The following DAB1 variants were observed in gnomAD, a reference collection of about 807,000 sequenced individuals.
DAB1 encodes disabled homolog 1.
Under a neutral mutation model 64.6 loss-of-function variants are expected in DAB1, and 15 were observed. That is an observed-to-expected ratio of 0.23 (90% CI 0.16 to 0.36). The LOEUF (loss-of-function observed/expected upper bound fraction) is 0.36. Ranked by LOEUF, DAB1 falls within the 10% of genes least tolerant of loss-of-function variation. The probability of loss-of-function intolerance (pLI) is 1.00; values close to 1 mark genes in which losing one functional copy is unlikely to be tolerated. For missense variants in DAB1, 596 were observed against 706.7 expected (o/e 0.84, Z 1.78); for synonymous variants, 235 against 251.9 (o/e 0.93, Z 0.64).
chr1:57,940,039 C>T (rs1333390539), intron 5 of DAB1, among the ~76,000 whole-genome samples: 2 of 152,184 alleles, frequency 1.3e-5, no homozygotes, highest in African/African-American at 4.8e-5. Flanking sequence ...GCCAAACCTA[C>T]AGCAGTAATG....
At chr1:57,422,641 C>A (rs540298287) in intron 1 of DAB1, among the ~76,000 whole-genome samples, 201 of 152,266 alleles carry the variant, frequency 1.3e-3, no homozygotes, top group African/African-American at 4.7e-3. Context: ...CCCACCCCCA[C>A]GCCATTCCTT....
intron 7 of DAB1, among the ~76,000 whole-genome samples, chr1:57,648,346 T>A (rs1208056890): frequency 6.6e-6 from 1 of 152,120 alleles, no homozygotes; most frequent in Non-Finnish European, 1.5e-5. Context: ...TGAACTCTAT[T>A]CATTAGAGGA....
chr1:57,349,638 T>G (rs995659730), intron 1 of DAB1, among the ~76,000 whole-genome samples: 2 of 152,166 alleles, frequency 1.3e-5, no homozygotes, highest in Non-Finnish European at 2.9e-5. Context: ...GGACTGATGA[T>G]TAACATACAG....
chr1:57,276,023 A>G (rs1258729323), intron 2 of DAB1, among the ~76,000 whole-genome samples: 2 of 152,216 alleles, frequency 1.3e-5, no homozygotes, highest in East Asian at 1.9e-4. Context: ...AAATTAGATC[A>G]CTTAGCAAAA....
At chr1:57,208,539 C>T (rs140885424) in intron 2 of DAB1, among the ~76,000 whole-genome samples, 34 of 152,294 alleles carry the variant, frequency 2.2e-4, no homozygotes, top group African/African-American at 6.5e-4. Context: ...TCTCCTTAGG[C>T]GTATATGTAG....
intron 1 of DAB1, among the ~76,000 whole-genome samples, chr1:57,872,613 A>G (rs1022544397): frequency 6.6e-6 from 1 of 152,164 alleles, no homozygotes; most frequent in Non-Finnish European, 1.5e-5. Context: ...CTCATCTTCA[A>G]GGGGTCCGCA....
chr1:58,355,232 C>T (rs918504511), intron 3 of DAB1, among the ~76,000 whole-genome samples: 2 of 152,152 alleles, frequency 1.3e-5, no homozygotes, highest in African/African-American at 4.8e-5. Context: ...CTACCATGAG[C>T]CTTTTTCCAA....
chr1:57,525,465 A>G (rs529889881), intron 7 of DAB1, among the ~76,000 whole-genome samples: 1 of 152,344 alleles, frequency 6.6e-6, no homozygotes, highest in East Asian at 1.9e-4. Context: ...GCAAATATTA[A>G]TTCTAGGAAA....
chr1:58,001,702 A>G (rs1463103432), intron 5 of DAB1, among the ~76,000 whole-genome samples: 1 of 152,162 alleles, frequency 6.6e-6, no homozygotes, highest in Non-Finnish European at 1.5e-5. Flanking sequence ...GTCTGGGAGT[A>G]CTATGGATCC....
chr1:58,061,991 C>A (rs921486136), intron 5 of DAB1, among the ~76,000 whole-genome samples: 1 of 152,178 alleles, frequency 6.6e-6, no homozygotes, highest in Non-Finnish European at 1.5e-5. Flanking sequence ...TTTAACCTAA[C>A]CTCCATTTCA....
chr1:57,712,123 G>A (rs1291997998), intron 6 of DAB1, among the ~76,000 whole-genome samples: 1 of 151,970 alleles, frequency 6.6e-6, no homozygotes, highest in Non-Finnish European at 1.5e-5. Flanking sequence ...AGTACTATAT[G>A]TGTTGAATTT....
chr1:57,596,913 C>T (rs911103569), intron 7 of DAB1, among the ~76,000 whole-genome samples: 1 of 152,186 alleles, frequency 6.6e-6, no homozygotes, highest in Admixed American at 6.5e-5. Flanking sequence ...CCATTAATTA[C>T]TAATTACCAA....
intron 1 of DAB1, among the ~76,000 whole-genome samples, chr1:57,351,647 G>A (rs1489709580): frequency 6.6e-6 from 1 of 152,122 alleles, no homozygotes; most frequent in Non-Finnish European, 1.5e-5. Context: ...GTGTGTGTGT[G>A]TGAACATTAC....
chr1:58,002,296 G>A (rs764691417), intron 5 of DAB1, among the ~76,000 whole-genome samples: 2 of 152,044 alleles, frequency 1.3e-5, no homozygotes, highest in Non-Finnish European at 2.9e-5. Flanking sequence ...GAATTGGCAG[G>A]GCTCTGTGTT....
At chr1:57,868,913 A>C (rs1397470280) in intron 1 of DAB1, among the ~76,000 whole-genome samples, 1 of 152,082 alleles carries the variant, frequency 6.6e-6, no homozygotes, top group Non-Finnish European at 1.5e-5. Flanking sequence ...ATGTATTCAG[A>C]AGGCATCTTG....
chr1:57,079,153 G>A (rs1400086716), intron 4 of DAB1, among the ~76,000 whole-genome samples: 1 of 152,058 alleles, frequency 6.6e-6, no homozygotes, highest in Non-Finnish European at 1.5e-5. Flanking sequence ...CATAACAAGA[G>A]TTCTCTCTTG....
At chr1:58,194,267 T>C (rs1396325811) in intron 4 of DAB1, among the ~76,000 whole-genome samples, 2 of 152,262 alleles carry the variant, frequency 1.3e-5, no homozygotes, top group Admixed American at 6.5e-5. Flanking sequence ...ACTGTTTACC[T>C]ATGTGATATT....
At chr1:57,377,279 A>AG (rs1680978137) in intron 1 of DAB1, among the ~76,000 whole-genome samples, 3 of 139,048 alleles carry the variant, frequency 2.2e-5, no homozygotes, top group African/African-American at 8.1e-5. Context: ...TAAAAAAAAA[A>AG]AAAAAAGAAA....
chr1:58,169,942 G>A (rs1410059807), intron 4 of DAB1, among the ~76,000 whole-genome samples: 1 of 152,182 alleles, frequency 6.6e-6, no homozygotes, highest in East Asian at 1.9e-4. Context: ...GTTTTCAGAT[G>A]ATCCTGATAG....
Sources: allele counts gnomAD v4.1 joint callset (sites outside exome capture counted in the v4.1 genomes callset), GRCh38; gene constraint gnomAD v4.1.1; transcripts MANE v1.5; gene names NCBI Gene and HGNC (gene_info 2026-07-23, HGNC 2026-07-21).